The following AFG2A variants were observed in gnomAD, a reference collection of about 807,000 sequenced individuals.
The protein encoded by AFG2A is AAA ATPase AFG2A.
the AFG2A span, among the ~76,000 whole-genome samples, chr4:123,186,586 C>T: frequency 2.0e-5 from 3 of 151,992 alleles, no homozygotes; most frequent in Non-Finnish European, 4.4e-5. Context: ...AAAGGTACAT[C>T]GTTTTAAATT....
the AFG2A span, among the ~76,000 whole-genome samples, chr4:122,944,128 C>G: frequency 6.6e-6 from 1 of 152,180 alleles, no homozygotes; most frequent in African/African-American, 2.4e-5. Flanking sequence ...AATTGCTCTT[C>G]TCGAGGAGTA....
the AFG2A span, among the ~76,000 whole-genome samples, chr4:123,137,106 C>T: frequency 1.3e-5 from 2 of 152,132 alleles, no homozygotes; most frequent in Admixed American, 6.5e-5. Context: ...TCTATGAGTG[C>T]GCATCTAACG....
the AFG2A span, among the ~76,000 whole-genome samples, chr4:123,044,061 C>G: frequency 6.6e-6 from 1 of 152,132 alleles, no homozygotes. Context: ...ATCTGTAGAG[C>G]TGTGTTTCAT....
the AFG2A span, among the ~76,000 whole-genome samples, chr4:123,282,466 A>C: frequency 6.6e-6 from 1 of 152,196 alleles, no homozygotes; most frequent in Non-Finnish European, 1.5e-5. Context: ...TATGATCCAA[A>C]TAATATACTC....
chr4:123,287,736 C>T, the AFG2A span, among the ~76,000 whole-genome samples: 1 of 151,670 alleles, frequency 6.6e-6, no homozygotes, highest in Non-Finnish European at 1.5e-5. Context: ...AGACCATCAA[C>T]AAAATAAAAT....
At chr4:123,018,066 T>G in the AFG2A span, among the ~76,000 whole-genome samples, 17 of 152,236 alleles carry the variant, frequency 1.1e-4, no homozygotes, top group Non-Finnish European at 2.4e-4. Context: ...TCAAGTTCCT[T>G]GGCTTCTATG....
the AFG2A span, among the ~76,000 whole-genome samples, chr4:123,221,578 T>C: frequency 6.6e-6 from 1 of 152,216 alleles, no homozygotes; most frequent in Admixed American, 6.5e-5. Context: ...TTGGATTGAA[T>C]ATATTACATT....
chr4:123,042,953 C>T, the AFG2A span, among the ~76,000 whole-genome samples: 4 of 152,124 alleles, frequency 2.6e-5, no homozygotes, highest in South Asian at 4.1e-4. Flanking sequence ...TATATTTATT[C>T]ATATATTTGC....
the AFG2A span, among the ~76,000 whole-genome samples, chr4:123,043,666 C>A: frequency 6.6e-6 from 1 of 151,974 alleles, no homozygotes; most frequent in African/African-American, 2.4e-5. Flanking sequence ...AAATGGGTGC[C>A]CTTTAAAAAT....
chr4:123,077,204 C>T, the AFG2A span, among the ~76,000 whole-genome samples: 2 of 152,016 alleles, frequency 1.3e-5, no homozygotes, highest in East Asian at 1.9e-4. Context: ...TATGCCACCA[C>T]GCCTGGCTAA....
At chr4:122,968,857 G>A in the AFG2A span, among the ~76,000 whole-genome samples, 1 of 152,052 alleles carries the variant, frequency 6.6e-6, no homozygotes, top group Non-Finnish European at 1.5e-5. Flanking sequence ...TGTGGTTTTA[G>A]TTCCCTGATG....
At chr4:123,056,598 A>G in the AFG2A span, among the ~76,000 whole-genome samples, 1 of 152,168 alleles carries the variant, frequency 6.6e-6, no homozygotes, top group Non-Finnish European at 1.5e-5. Context: ...TATTATTTAA[A>G]AATGCAGTTT....
the AFG2A span, among the ~76,000 whole-genome samples, chr4:123,138,894 A>G: frequency 6.6e-6 from 1 of 152,200 alleles, no homozygotes; most frequent in South Asian, 2.1e-4. Context: ...AGAAACACAT[A>G]TACATGTATA....
chr4:123,023,399 A>C, the AFG2A span, among the ~76,000 whole-genome samples: 1 of 152,172 alleles, frequency 6.6e-6, no homozygotes, highest in East Asian at 1.9e-4. Context: ...ATAATAATGA[A>C]ATGCCTGTAG....
the AFG2A span, among the ~76,000 whole-genome samples, chr4:123,027,545 T>G: frequency 6.6e-6 from 1 of 152,204 alleles, no homozygotes; most frequent in Non-Finnish European, 1.5e-5. Flanking sequence ...TAGTATCCTT[T>G]CTGTTGAACT....
At chr4:122,923,132 A>G in the AFG2A span, 16 of 1,614,128 alleles carry the variant, frequency 9.9e-6, no homozygotes, top group East Asian at 2.2e-5. Flanking sequence ...CGGCTAGGGT[A>G]CCTTGTGACC....
At chr4:123,275,537 T>TG in the AFG2A span, among the ~76,000 whole-genome samples, 1 of 152,096 alleles carries the variant, frequency 6.6e-6, no homozygotes, top group Non-Finnish European at 1.5e-5. Context: ...TGTGCAGGTT[T>TG]GTTACATAGG....
At chr4:123,218,295 CTT>C in the AFG2A span, among the ~76,000 whole-genome samples, 1 of 152,146 alleles carries the variant, frequency 6.6e-6, no homozygotes, top group African/African-American at 2.4e-5. Flanking sequence ...AAAACAGAGA[CTT>C]TTGCTTTATT....
chr4:123,178,791 T>G, the AFG2A span, among the ~76,000 whole-genome samples: 689 of 152,308 alleles, frequency 4.5e-3, 3 homozygotes, highest in Non-Finnish European at 8.1e-3. Context: ...ATCCATAATA[T>G]GCTGACATAT....
Sources: gnomAD v4.1 joint callset for allele counts (sites outside exome capture counted in the v4.1 genomes callset) on GRCh38, gnomAD v4.1.1 for gene constraint, MANE v1.5 for transcripts, NCBI Gene and HGNC (gene_info 2026-07-23, HGNC 2026-07-21) for gene names.